The following AK9 variants were observed in gnomAD, a reference collection of about 807,000 sequenced individuals.
AK9 encodes adenylate kinase 9, also known as adenylate kinase domain containing 1.
Under a neutral mutation model 239.6 loss-of-function variants are expected in AK9, and 191 were observed. The observed-to-expected ratio is 0.80, with a 90% confidence interval of 0.71 to 0.90. The LOEUF is 0.90. AK9 is among the 40% of genes least tolerant of loss of function. The pLI, the probability that AK9 is intolerant of heterozygous loss-of-function variation, is 0.00. For synonymous variants in AK9, 689 were observed against 721.0 expected (o/e 0.96, Z 0.71); for missense variants, 1,995 against 2,214.7 (o/e 0.90, Z 1.99).
chr6:109,616,562 A>C (rs1794215450), intron 13 of AK9, among the ~76,000 whole-genome samples: 1 of 151,834 alleles, frequency 6.6e-6, no homozygotes, highest in Non-Finnish European at 1.5e-5. Context: ...TTTTTGGTAG[A>C]AATAATGTCT....
chr6:109,548,680 C>T (rs190461812), intron 25 of AK9, among the ~76,000 whole-genome samples: 8 of 152,254 alleles, frequency 5.3e-5, no homozygotes, highest in African/African-American at 1.9e-4. Flanking sequence ...ATTTTTCTGA[C>T]TGAAAAATTA....
chr6:109,575,835 T>A (rs1260864027), intron 20 of AK9, among the ~76,000 whole-genome samples: 1 of 151,928 alleles, frequency 6.6e-6, no homozygotes, highest in African/African-American at 2.4e-5. Flanking sequence ...TCAGTTGATT[T>A]CTGAATAAGG....
chr6:109,573,544 A>G lies in AK9; in HGVS notation c.2242T>C (p.Leu748=). 4 of 1,550,924 alleles carry G rather than the reference A, an allele frequency of 2.6e-6. No individual in the cohort carries two copies. The highest frequency in any genetic ancestry group is 2.7e-5 in the African/African-American group (2 of 73,064). Residue 748 remains leucine, a synonymous_variant, in exon 21 of 41, where the codon TTG becomes CTG. Coordinates refer to ENST00000424296, the MANE Select transcript of AK9 (RefSeq NM_001145128.3). ...GCCTCAGGCTCTTCGTGAACTTCCA[A>G]CTCATCACCTTCAATCTCCTCTTCA... is the stretch of plus-strand genomic sequence containing the variant. ...EDEEEIEGDE[L]EVHEEPEASH... is the part of the protein sequence containing the mutation.
intron 17 of AK9, among the ~76,000 whole-genome samples, chr6:109,607,126 T>C (rs1184686062): frequency 1.3e-5 from 2 of 152,130 alleles, no homozygotes; most frequent in African/African-American, 4.8e-5. Flanking sequence ...GGATAAAAAA[T>C]GGTTGCAGCA....
chr6:109,506,604 C>T (rs775834416), intron 34 of AK9, 50 bp downstream of exon 34: 97 of 1,532,508 alleles, frequency 6.3e-5, no homozygotes, highest in Non-Finnish European at 8.0e-5. Context: ...TCTTTTCCCC[C>T]GTATGATTAA....
rs573344462 is a variant in AK9 at position 109,652,481 on chromosome 6, A to G, written c.759+4275T>C. On this transcript the variant is annotated intron_variant, in intron 8 of 40. Transcript: ENST00000424296. Reference sequence around the variant, plus strand: ...ATAATGGAGCTTACTTTTTCACTTAACATTATAACTAAACTTCCCCTACAC... The same window carrying G: ...ATAATGGAGCTTACTTTTTCACTTAGCATTATAACTAAACTTCCCCTACAC... 2.0e-5 allele frequency among the ~76,000 whole-genome samples: 3 copies of G among 152,246 alleles called. No homozygotes were observed. In the South Asian group the frequency reaches 6.2e-4, roughly 32 times the overall value.
intron 1 of AK9, among the ~76,000 whole-genome samples, chr6:109,685,332 A>T (rs1199214183): frequency 6.6e-6 from 1 of 152,210 alleles, no homozygotes; most frequent in Non-Finnish European, 1.5e-5. Flanking sequence ...GCCAACCTAA[A>T]TGTCCATCAA....
intron 26 of AK9, among the ~76,000 whole-genome samples, chr6:109,542,383 G>A (rs1783010145): frequency 6.6e-6 from 1 of 152,180 alleles, no homozygotes; most frequent in Admixed American, 6.5e-5. Context: ...GATAGAAGGT[G>A]TAAGTTCTAA....
chr6:109,564,526 C>T (rs1402899337), intron 22 of AK9, among the ~76,000 whole-genome samples: 1 of 151,996 alleles, frequency 6.6e-6, no homozygotes, highest in Non-Finnish European at 1.5e-5. Flanking sequence ...CTTAAGGAAA[C>T]TTTAACGGTT....
chr6:109,607,768 G>GGGGTGTGTGTGT (rs1554268777), intron 17 of AK9, among the ~76,000 whole-genome samples: 4 of 145,382 alleles, frequency 2.8e-5, no homozygotes, highest in African/African-American at 5.1e-5. Context: ...CCAGCAGAGG[G>GGGGTGTGTGTGT]GTGTGTGTGT....
At chr6:109,617,691 A>G (rs1794338053) in intron 13 of AK9, among the ~76,000 whole-genome samples, 1 of 152,222 alleles carries the variant, frequency 6.6e-6, no homozygotes, top group African/African-American at 2.4e-5. Context: ...TTTTAAAATC[A>G]GTGAATGTAA....
At chr6:109,533,155 A>G in intron 28 of AK9, 96 bp downstream of exon 28, 1 of 915,348 alleles carries the variant, frequency 1.1e-6, no homozygotes, top group Non-Finnish European at 1.5e-6. Flanking sequence ...TGGTATTAAA[A>G]TTAGAATACT....
chr6:109,606,100 C>A (rs1356947994), intron 17 of AK9, among the ~76,000 whole-genome samples: 1 of 152,042 alleles, frequency 6.6e-6, no homozygotes, highest in African/African-American at 2.4e-5. Context: ...TTCCTTTTGA[C>A]AAAAATGGTA....
chr6:109,558,556 T>C (rs1172170885), intron 24 of AK9, among the ~76,000 whole-genome samples: 1 of 152,240 alleles, frequency 6.6e-6, no homozygotes, highest in African/African-American at 2.4e-5. Context: ...GCTCTATATC[T>C]GGACTCTCTT....
At chr6:109,601,028 C>G (rs956777131) in intron 17 of AK9, among the ~76,000 whole-genome samples, 2 of 152,124 alleles carry the variant, frequency 1.3e-5, no homozygotes, top group Non-Finnish European at 2.9e-5. Context: ...AAAAAACCAG[C>G]TCCTGGATTC....
In AK9 at chr6:109,542,098, G is replaced by A. The variant is rs146470118; in HGVS notation, c.3299C>T (p.Pro1100Leu). 4 of 1,608,638 alleles carry A rather than the reference G, an allele frequency of 2.5e-6. No homozygotes were observed. The African/African-American group carries it at 4.0e-5, about 16-fold the overall frequency. The part of the protein sequence containing the change: ...SSLMENEPLP[P>L]EILEVILSEW... ...AGAAAGAATTACTTCAAGAATTTCA[G>A]GAGGCAAGGGCTCATTTTCCATTAG... is the stretch of plus-strand genomic sequence containing the variant. The change falls in exon 27 of 41, where the codon CCT (proline) becomes CTT (leucine). Residue 1100 changes from proline to leucine, a missense_variant. Pro to Leu is a moderately conservative substitution (Grantham distance 98). Coordinates refer to ENST00000424296, the MANE Select transcript of AK9 (RefSeq NM_001145128.3).
intron 27 of AK9, among the ~76,000 whole-genome samples, chr6:109,540,332 T>C (rs1412341240): frequency 6.6e-6 from 1 of 152,154 alleles, no homozygotes; most frequent in Non-Finnish European, 1.5e-5. Context: ...CTCGCTGCCA[T>C]GTTGCAATTT....
chr6:109,548,798 T>A (rs117311145), intron 25 of AK9, among the ~76,000 whole-genome samples: 1 of 152,318 alleles, frequency 6.6e-6, no homozygotes, highest in Non-Finnish European at 1.5e-5. Context: ...GGGATCAGAA[T>A]CTTGAAGCAT....
chr6:109,493,960 A>G, intron 40 of AK9, 21 bp downstream of exon 40: 1 of 1,530,838 alleles, frequency 6.5e-7, no homozygotes, highest in Non-Finnish European at 9.0e-7. Context: ...TCTGAGTAGT[A>G]AATAATTAAA....
Sources: gnomAD v4.1 joint callset for allele counts (sites outside exome capture counted in the v4.1 genomes callset) on GRCh38, gnomAD v4.1.1 for gene constraint, MANE v1.5 for transcripts, NCBI Gene and HGNC (gene_info 2026-07-23, HGNC 2026-07-21) for gene names.